Variants in DAB1 observed in about 807,000 individuals in gnomAD.
The protein encoded by DAB1 is disabled homolog 1.
Under a neutral mutation model 64.6 loss-of-function variants are expected in DAB1, and 15 were observed. That is an observed-to-expected ratio of 0.23 (90% CI 0.16 to 0.36). The LOEUF (loss-of-function observed/expected upper bound fraction) is 0.36, where lower values mean the gene tolerates loss of function less well. Ranked by LOEUF, DAB1 falls within the 10% of genes least tolerant of loss-of-function variation. The pLI, the probability that DAB1 is intolerant of heterozygous loss-of-function variation, is 1.00. For missense variants in DAB1, 596 were observed against 706.7 expected (o/e 0.84, Z 1.78); for synonymous variants, 235 against 251.9 (o/e 0.93, Z 0.64).
At chr1:57,794,960 A>G (rs2101863906) in intron 6 of DAB1, among the ~76,000 whole-genome samples, 1 of 152,362 alleles carries the variant, frequency 6.6e-6, no homozygotes, top group East Asian at 1.9e-4. Flanking sequence ...CCTCATGGGA[A>G]GATGGCACTG....
In DAB1 at chr1:57,031,696, A is replaced by G. The variant is rs1009379226; in HGVS notation, c.724-5653T>C. 7.2e-5 allele frequency among the ~76,000 whole-genome samples: 11 copies of G among 152,358 alleles called. 1 individual carries two copies. The highest frequency in any genetic ancestry group is 4.6e-4 in the Admixed American group (7 of 15,310). On this transcript the variant is annotated intron_variant, in intron 9 of 14. Transcript: ENST00000371236. Reference sequence around the variant, plus strand: ...TTAGTTAGCCTTGCTAAATAGTGGAAGTCCAGCTCTACAACATTCTCTAAC... The same window carrying G: ...TTAGTTAGCCTTGCTAAATAGTGGAGGTCCAGCTCTACAACATTCTCTAAC...
At chr1:57,311,508 C>A (rs1020640884) in intron 1 of DAB1, among the ~76,000 whole-genome samples, 29 of 146,710 alleles carry the variant, frequency 2.0e-4, no homozygotes, top group African/African-American at 6.3e-4. Context: ...TTCTTCCCCA[C>A]CTCCTGCCAA....
intron 4 of DAB1, among the ~76,000 whole-genome samples, chr1:58,162,659 T>C (rs1212395415): frequency 6.6e-6 from 1 of 152,202 alleles, no homozygotes; most frequent in African/African-American, 2.4e-5. Context: ...ATTATTCTGT[T>C]ACAGAAATCT....
intron 4 of DAB1, among the ~76,000 whole-genome samples, chr1:58,315,476 A>C (rs182159949): frequency 6.6e-6 from 1 of 152,260 alleles, no homozygotes; most frequent in East Asian, 1.9e-4. Flanking sequence ...ACATTCCCTG[A>C]GCAATTTCTA....
At chr1:57,915,990 G>C (rs532839459) in intron 5 of DAB1, among the ~76,000 whole-genome samples, 1 of 152,176 alleles carries the variant, frequency 6.6e-6, no homozygotes, top group Non-Finnish European at 1.5e-5. Context: ...CTTCGTTGTT[G>C]GTTGGCATTG....
chr1:57,989,022 C>T (rs1646286518), intron 5 of DAB1, among the ~76,000 whole-genome samples: 1 of 152,112 alleles, frequency 6.6e-6, no homozygotes, highest in Non-Finnish European at 1.5e-5. Flanking sequence ...ACAGCCCTCC[C>T]CTCTGCGAGG....
At chr1:57,851,143 T>G (rs1355717692) in intron 1 of DAB1, among the ~76,000 whole-genome samples, 3 of 152,204 alleles carry the variant, frequency 2.0e-5, no homozygotes, top group Non-Finnish European at 4.4e-5. Flanking sequence ...CATCTACCAT[T>G]AAGAATTCCC....
intron 1 of DAB1, among the ~76,000 whole-genome samples, chr1:57,881,893 T>A (rs938925734): frequency 6.6e-6 from 1 of 152,238 alleles, no homozygotes; most frequent in Non-Finnish European, 1.5e-5. Context: ...TTATTCTCAA[T>A]GATGCATGTG....
At chr1:57,743,876 A>G (rs970324008) in intron 6 of DAB1, among the ~76,000 whole-genome samples, 10 of 152,244 alleles carry the variant, frequency 6.6e-5, no homozygotes, top group African/African-American at 2.2e-4. Context: ...TATTAAATTA[A>G]CTAAAAATAT....
At chr1:58,096,408 G>A (rs992136700) in intron 5 of DAB1, among the ~76,000 whole-genome samples, 1 of 152,246 alleles carries the variant, frequency 6.6e-6, no homozygotes, top group African/African-American at 2.4e-5. Flanking sequence ...TCTAGCTAAT[G>A]AGGGTGAGAT....
chr1:57,286,115 C>T lies in DAB1; in HGVS notation c.67+4849G>A, dbSNP rs561972254. The stretch of plus-strand genomic sequence containing the variant: ...ATTTGAATTGTGAATACTCTAGTTA[C>T]ATTTCATAAATCGCCTGCCTAGAAA... On this transcript the variant is annotated intron_variant, in intron 2 of 14. Transcript: ENST00000371236. 1.4e-4 allele frequency among the ~76,000 whole-genome samples: 21 copies of T among 152,350 alleles called. No homozygotes were observed. In the South Asian group the frequency reaches 3.5e-3, roughly 26 times the overall value.
intron 4 of DAB1, among the ~76,000 whole-genome samples, chr1:57,130,633 T>C (rs1287488843): frequency 6.6e-6 from 1 of 151,790 alleles, no homozygotes; most frequent in African/African-American, 2.4e-5. Flanking sequence ...GGGGATATTA[T>C]GTTAAGTGAA....
intron 6 of DAB1, among the ~76,000 whole-genome samples, chr1:57,769,686 G>C (rs1396839182): frequency 6.6e-6 from 1 of 152,142 alleles, no homozygotes; most frequent in Non-Finnish European, 1.5e-5. Flanking sequence ...TCTATTCTCT[G>C]TGATTTATTT....
chr1:58,324,390 T>C (rs1662772568), intron 4 of DAB1, among the ~76,000 whole-genome samples: 1 of 152,196 alleles, frequency 6.6e-6, no homozygotes, highest in African/African-American at 2.4e-5. Context: ...TTCGAGTTTT[T>C]CTCATCATAT....
intron 6 of DAB1, among the ~76,000 whole-genome samples, chr1:57,794,065 G>A (rs1010371910): frequency 1.3e-5 from 2 of 152,138 alleles, no homozygotes; most frequent in African/African-American, 2.4e-5. Flanking sequence ...GATCCTCCTT[G>A]AACCATAAAT....
chr1:58,422,602 A>AT (rs36063995), intron 3 of DAB1, among the ~76,000 whole-genome samples: 249 of 128,224 alleles, frequency 1.9e-3, no homozygotes, highest in South Asian at 7.3e-3. Context: ...CAGGAGGCAA[A>AT]TTTTTTTTTT....
chr1:57,298,892 T>C (rs1673410896), intron 1 of DAB1, among the ~76,000 whole-genome samples: 1 of 152,214 alleles, frequency 6.6e-6, no homozygotes, highest in African/African-American at 2.4e-5. Context: ...TCACAAAGTC[T>C]ATAGAACTTT....
chr1:57,526,032 G>T (rs1003383084), intron 7 of DAB1, among the ~76,000 whole-genome samples: 1 of 151,596 alleles, frequency 6.6e-6, no homozygotes, highest in African/African-American at 2.4e-5. Flanking sequence ...CCGCCTCCTG[G>T]GTTCAAGCAA....
intron 7 of DAB1, among the ~76,000 whole-genome samples, chr1:57,595,248 A>T (rs1039037935): frequency 2.0e-5 from 3 of 151,464 alleles, no homozygotes; most frequent in East Asian, 3.9e-4. Flanking sequence ...TAGATTCTAA[A>T]TTTTTTTTAG....
Sources: allele counts gnomAD v4.1 joint callset (sites outside exome capture counted in the v4.1 genomes callset), GRCh38; gene constraint gnomAD v4.1.1; transcripts MANE v1.5; gene names NCBI Gene and HGNC (gene_info 2026-07-23, HGNC 2026-07-21).